The following TRPM4 variants were observed in gnomAD, a reference collection of about 807,000 sequenced individuals.
TRPM4 encodes the protein calcium-activated non-selective cation channel 1.
A neutral mutation model predicts 135.6 loss-of-function variants in TRPM4; 124 were observed. That is an observed-to-expected ratio of 0.91 (90% CI 0.79 to 1.06). The LOEUF (loss-of-function observed/expected upper bound fraction) is 1.06, where lower values mean the gene tolerates loss of function less well. Ranked by LOEUF, TRPM4 falls within the 50% of genes least tolerant of loss-of-function variation. The pLI, the probability that TRPM4 is intolerant of heterozygous loss-of-function variation, is 0.00. For missense variants in TRPM4, 1,658 were observed against 1,671.4 expected, an observed-to-expected ratio of 0.99 and a Z score of 0.14; for synonymous variants, 745 against 705.6, an observed-to-expected ratio of 1.06 and a Z score of -0.88.
Position 49,200,516 on chromosome 19 carries a change from G to A in TRPM4, c.2778+84G>A, listed in dbSNP as rs1968880270. On this transcript the variant is annotated intron_variant, in intron 18 of 24. Transcript: ENST00000252826. ...AGGGAGTGGTCCGTGGAGAAGGGGC[G>A]TGACTTTGGGGAGCAATGGGGCGTG... 6.9e-6 allele frequency: 11 copies of A among 1,593,948 alleles called. No homozygotes were observed. The South Asian group carries it at 1.2e-4, about 18-fold the overall frequency.
In TRPM4 at chr19:49,167,447, CTCTCTCTGGGTCTCTGTCGCCA is replaced by C. The variant is rs1233479897; in HGVS notation, c.268-451_268-430del. ...CCCATCTCTCTGGGTCTCTGTCCCT[CTCTCTCTGGGTCTCTGTCGCCA>C]TCTCTCTGGGTCTCTGTCCCTCTCT... On this transcript the variant is annotated intron_variant, in intron 3 of 24. Transcript: ENST00000252826. 1.4e-3 allele frequency among the ~76,000 whole-genome samples: 130 copies of C among 94,374 alleles called. 7 individuals carry two copies. The highest frequency in any genetic ancestry group is 2.3e-3 in the African/African-American group (51 of 22,356). The allele number at this position is 94,374 out of a possible 152,430, so 61.9% of individuals were successfully genotyped here.
chr19:49,168,820 C>A, intron 6 of TRPM4, 84 bp downstream of exon 6: 2 of 1,425,748 alleles, frequency 1.4e-6, no homozygotes, highest in South Asian at 2.5e-5. Context: ...TTGGTCTGGT[C>A]GAGATTTGGG....
intron 17 of TRPM4, 100 bp downstream of exon 17, chr19:49,196,974 G>A (rs1968680127): frequency 3.3e-6 from 4 of 1,219,006 alleles, no homozygotes; most frequent in South Asian, 1.5e-5. Context: ...CAGCTGGGCA[G>A]CAGGTCAAGC....
chr19:49,188,862 C>T lies in TRPM4; in HGVS notation c.1874-84C>T, dbSNP rs954855846. On this transcript the variant is annotated intron_variant, in intron 13 of 24. Transcript: ENST00000252826. ...CACTCCTCACATATCCCTGCGCCAT[C>T]CCCTTAAATTCCCTTACCTCTCCCT... 18 of 1,612,902 alleles carry T rather than the reference C, an allele frequency of 1.1e-5. No individual in the cohort carries two copies. In the Admixed American group the frequency reaches 2.8e-4, roughly 25 times the overall value.
At chr19:49,187,231 G>T (rs1454314739) in intron 12 of TRPM4, among the ~76,000 whole-genome samples, 1 of 151,034 alleles carries the variant, frequency 6.6e-6, no homozygotes, top group African/African-American at 2.4e-5. Context: ...TTAGATTCCA[G>T]AATTCTAGAA....
At position 49,164,682 on chromosome 19, in the gene TRPM4, T is replaced by TTG; in HGVS notation, c.93-1359_93-1358insTG. On this transcript the variant is annotated intron_variant, in intron 2 of 24. Coordinates refer to ENST00000252826, the MANE Select transcript of TRPM4 (RefSeq NM_017636.4). ...CAGGCATGAGCCACTGCGCCCGGCC[T>TTG]CTTGCTTGCTTGCTTGCTTGCTTGC... is the stretch of plus-strand genomic sequence containing the variant. 1.4e-5 allele frequency among the ~76,000 whole-genome samples: 2 copies of TTG among 144,658 alleles called. 1 individual carries two copies. The highest frequency in any genetic ancestry group is 5.2e-5 in the African/African-American group (2 of 38,624). 94.9% of individuals were successfully genotyped at this position (144,658 alleles called of 152,430 possible).
chr19:49,162,537 TCAAAA>T (rs1037274929), intron 2 of TRPM4, among the ~76,000 whole-genome samples: 7 of 151,608 alleles, frequency 4.6e-5, no homozygotes, highest in South Asian at 2.1e-4. Flanking sequence ...AGACTCCATC[TCAAAA>T]CAAAACAAAA....
At chr19:49,169,955 C>T (rs1345417918) in intron 6 of TRPM4, among the ~76,000 whole-genome samples, 1 of 152,162 alleles carries the variant, frequency 6.6e-6, no homozygotes, top group Non-Finnish European at 1.5e-5. Flanking sequence ...TATCAATCCT[C>T]TTACCAAATT....
intron 17 of TRPM4, among the ~76,000 whole-genome samples, chr19:49,198,646 CAAAAAAAAAAAAA>C (rs35173042): frequency 2.8e-5 from 2 of 72,722 alleles, no homozygotes; most frequent in Admixed American, 1.6e-4. Context: ...AAAACTCTGT[CAAAAAAAAAAAAA>C]AAAAAAAAAG....
At chr19:49,209,346 T>C (rs983668505) in intron 20 of TRPM4, among the ~76,000 whole-genome samples, 2 of 152,222 alleles carry the variant, frequency 1.3e-5, no homozygotes, top group African/African-American at 4.8e-5. Flanking sequence ...TCCTTGTTAT[T>C]ATAATTCTTC....
At chr19:49,188,112 T>A (rs1175790) in intron 12 of TRPM4, among the ~76,000 whole-genome samples, 53,515 of 151,950 alleles carry the variant, frequency 0.35, 9,915 homozygotes, top group African/African-American at 0.47. Context: ...CCAGGCAAGA[T>A]GGGGGTCTTT....
intron 3 of TRPM4, 146 bp downstream of exon 3, chr19:49,166,361 C>A: frequency 1.2e-6 from 1 of 810,310 alleles, no homozygotes; most frequent in Non-Finnish European, 1.9e-6. Context: ...CCCCACCTAT[C>A]TTCTCTCTGA....
intron 2 of TRPM4, among the ~76,000 whole-genome samples, chr19:49,165,039 G>C (rs1276607608): frequency 6.6e-6 from 1 of 151,994 alleles, no homozygotes; most frequent in African/African-American, 2.4e-5. Flanking sequence ...CATCATACCC[G>C]ACCCTACATT....
At position 49,188,727 on chromosome 19, in the gene TRPM4, A is replaced by G; in HGVS notation, c.1830A>G (p.Ala610=). The G allele has an allele frequency of 6.2e-7, 1 of 1,614,186 alleles. No individual in the cohort carries two copies. The highest frequency in any genetic ancestry group is 8.5e-7 in the Non-Finnish European group (1 of 1,180,036). The part of the protein sequence containing the change: ...ARLEPDAEEA[A]RRKDLAFKFE... ...TGGAGCCTGACGCTGAGGAGGCAGC[A>G]CGGAGGAAAGACCTGGCGTTCAAGT... is the stretch of plus-strand genomic sequence containing the variant. Residue 610 remains alanine, a synonymous_variant, in exon 13 of 25, where the codon GCA becomes GCG. Coordinates refer to ENST00000252826, the MANE Select transcript of TRPM4 (RefSeq NM_017636.4).
chr19:49,173,976 T>C (rs1007682604), intron 9 of TRPM4, among the ~76,000 whole-genome samples: 6 of 151,702 alleles, frequency 4.0e-5, no homozygotes, highest in African/African-American at 1.2e-4. Flanking sequence ...GCCTCCTTTA[T>C]TTAGTCAACA....
intron 6 of TRPM4, among the ~76,000 whole-genome samples, chr19:49,170,125 T>C (rs1967397023): frequency 6.6e-6 from 1 of 152,236 alleles, no homozygotes. Flanking sequence ...TTTTTTGCAT[T>C]ATTGAGTTAG....
chr19:49,178,155 A>G (rs1027125380), intron 9 of TRPM4, among the ~76,000 whole-genome samples: 2 of 151,996 alleles, frequency 1.3e-5, no homozygotes, highest in African/African-American at 4.8e-5. Context: ...GCATAGTGAG[A>G]CCCCATGTCT....
chr19:49,163,889 G>A (rs182545375), intron 2 of TRPM4, among the ~76,000 whole-genome samples: 7 of 152,312 alleles, frequency 4.6e-5, no homozygotes, highest in East Asian at 3.9e-4. Flanking sequence ...ATGGGTGAAC[G>A]GACAAAGTCG....
In TRPM4 at chr19:49,167,698, C is replaced by A. The variant is rs1242155876; in HGVS notation, c.268-219C>A. 1.9e-5 allele frequency: 9 copies of A among 471,286 alleles called. 1 individual carries two copies. The East Asian group carries it at 3.0e-4, about 16-fold the overall frequency. 29.2% of individuals were successfully genotyped at this position (471,286 alleles called of 1,614,324 possible). ...GGTCTCTGTCCCTCTCTCTCTGGGT[C>A]TCTGTCCCCATCTCTCTGGGTCTCT... On this transcript the variant is annotated intron_variant, in intron 3 of 24. Coordinates refer to ENST00000252826, the MANE Select transcript of TRPM4 (RefSeq NM_017636.4).
Sources: gnomAD v4.1 joint callset for allele counts (sites outside exome capture counted in the v4.1 genomes callset) on GRCh38, gnomAD v4.1.1 for gene constraint, MANE v1.5 for transcripts, NCBI Gene and HGNC (gene_info 2026-07-23, HGNC 2026-07-21) for gene names.